PTPN21: variants seen among roughly 807,000 people sequenced by gnomAD.
The protein encoded by PTPN21 is protein tyrosine phosphatase non-receptor type 21.
Under a neutral mutation model 131.8 loss-of-function variants are expected in PTPN21, and 77 were observed. The ratio of observed to expected loss-of-function variants is 0.58; its 90% CI spans 0.49 to 0.71. PTPN21 has a LOEUF of 0.71. Among genes scored for constraint, PTPN21 ranks in the 30% least tolerant of loss-of-function variants. PTPN21 has a pLI of 0.00. For synonymous variants in PTPN21, 715 were observed against 621.3 expected, an observed-to-expected ratio of 1.15 and a Z score of -2.24; for missense variants, 1,552 against 1,527.1, an observed-to-expected ratio of 1.02 and a Z score of -0.27.
chr14:88,506,567 C>T (rs1258827823), intron 4 of PTPN21, among the ~76,000 whole-genome samples: 3 of 152,044 alleles, frequency 2.0e-5, no homozygotes, highest in Admixed American at 6.6e-5. Context: ...CGTGAGACAC[C>T]GCACCCAGCC....
chr14:88,526,984 T>C (rs2078488459), intron 2 of PTPN21, among the ~76,000 whole-genome samples: 1 of 152,192 alleles, frequency 6.6e-6, no homozygotes. Flanking sequence ...ATGCCATTAT[T>C]TCATTCCTGA....
intron 10 of PTPN21, among the ~76,000 whole-genome samples, chr14:88,486,404 A>T (rs1437911165): frequency 6.6e-6 from 1 of 152,136 alleles, no homozygotes; most frequent in Non-Finnish European, 1.5e-5. Flanking sequence ...AGTGACAAGA[A>T]TCTACATTTC....
Position 88,469,845 on chromosome 14 carries a change from A to C in PTPN21, c.3000+77T>G. ...AACCCTACCCTGCCTTTTTCTCCAC[A>C]GGTCAGGATTCCAGATGATTAACAT... On this transcript the variant is annotated intron_variant, in intron 16 of 18. Coordinates refer to ENST00000556564, the MANE Select transcript of PTPN21 (RefSeq NM_007039.4). The surrounding 1 kb of genome is among the most constrained non-coding windows in gnomAD (Gnocchi z 4.3). The C allele has an allele frequency of 6.2e-7, 1 of 1,607,940 alleles. No individual in the cohort carries two copies. Among genetic ancestry groups the C allele is most frequent in the Non-Finnish European group, 8.5e-7 (1 of 1,174,608 alleles).
At chr14:88,505,624 C>A (rs1280416479) in intron 4 of PTPN21, among the ~76,000 whole-genome samples, 1 of 152,132 alleles carries the variant, frequency 6.6e-6, no homozygotes, top group African/African-American at 2.4e-5. Context: ...AATATGATCT[C>A]ATTTTACAGT....
At chr14:88,493,008 ACTCT>A in intron 10 of PTPN21, 1 of 439,824 alleles carries the variant, frequency 2.3e-6, no homozygotes, top group Non-Finnish European at 4.5e-6. Context: ...GGCAGGAACT[ACTCT>A]AACAGGCTAG....
In PTPN21 at chr14:88,466,256, ATTT is replaced by A. The variant is rs577651830; in HGVS notation, c.*1878_*1880del. On this transcript the variant is annotated 3_prime_UTR_variant, in exon 19 of 19. Coordinates refer to ENST00000556564, the MANE Select transcript of PTPN21 (RefSeq NM_007039.4). ...TTACATTTTGTTCCTACAAAATGTA[ATTT>A]TTTAATTTTGTAAAATAAAAATGTA... 310 of 152,216 alleles carry A rather than the reference ATTT, an allele frequency of 2.0e-3. No homozygotes were observed. Among genetic ancestry groups the A allele is most frequent in the African/African-American group, 7.1e-3 (296 of 41,524 alleles). The allele number at this position is 152,216 out of a possible 1,614,324, so 9.4% of individuals were successfully genotyped here. A position where few individuals can be genotyped will look rare whatever the true frequency, so the allele number is the denominator to read the frequency against.
chr14:88,486,099 G>A (rs1263073147), intron 10 of PTPN21, among the ~76,000 whole-genome samples: 4 of 152,246 alleles, frequency 2.6e-5, no homozygotes, highest in Admixed American at 6.5e-5. Context: ...GACCCACAAG[G>A]GGATCAGAGC....
rs949679790 is a variant in PTPN21, at chr14:88,467,975, C to T, written c.*162G>A. ...AGAAACCCCTCTTCAGCCTGTGCTT[C>T]GCACGTTTCCTTCAGCGTGCCGCCA... is the stretch of plus-strand genomic sequence containing the variant. On this transcript the variant is annotated 3_prime_UTR_variant, in exon 19 of 19. Coordinates refer to ENST00000556564, the MANE Select transcript of PTPN21 (RefSeq NM_007039.4). The T allele has an allele frequency of 1.2e-5, 11 of 933,234 alleles. No individual in the cohort carries two copies. The highest frequency in any genetic ancestry group is 1.3e-5 in the Non-Finnish European group (8 of 597,784). 57.8% of individuals were successfully genotyped at this position (933,234 alleles called of 1,614,324 possible).
chr14:88,554,232 ATTC>A (rs2139374612), intron 1 of PTPN21, among the ~76,000 whole-genome samples: 1 of 152,326 alleles, frequency 6.6e-6, no homozygotes, highest in Admixed American at 6.5e-5. Context: ...AGATCCAAGA[ATTC>A]TTGTTTCCAG....
At chr14:88,542,930 T>C (rs1319874219) in intron 2 of PTPN21, among the ~76,000 whole-genome samples, 1 of 152,212 alleles carries the variant, frequency 6.6e-6, no homozygotes, top group Non-Finnish European at 1.5e-5. Flanking sequence ...CGTACATACC[T>C]AAATGAATAA....
At position 88,517,226 on chromosome 14, in the gene PTPN21, T is replaced by C; in HGVS notation, c.216A>G (p.Gln72=). The part of the protein sequence containing the change: ...TYFSLWYYNK[Q]NQRRWVDLEK... The stretch of plus-strand genomic sequence containing the variant: ...CCAAATCTACCCACCGGCGCTGATT[T>C]TGCTTGTTGTAGTACCAGAGGCTGA... The change falls in exon 3 of 19, where the codon CAA becomes CAG. Residue 72 remains glutamine (Q), a synonymous_variant. Transcript: ENST00000556564. 6.2e-7 allele frequency: 1 copy of C among 1,614,118 alleles called. No homozygotes were observed. Among genetic ancestry groups the C allele is most frequent in the Non-Finnish European group, 8.5e-7 (1 of 1,179,982 alleles).
intron 3 of PTPN21, among the ~76,000 whole-genome samples, chr14:88,508,582 C>T (rs1201109990): frequency 2.0e-5 from 3 of 152,152 alleles, no homozygotes; most frequent in Non-Finnish European, 2.9e-5. Context: ...GACAATTAGT[C>T]ATCTGCTTCA....
intron 2 of PTPN21, 35 bp downstream of exon 2, chr14:88,550,203 C>T (rs368657727): frequency 1.3e-6 from 2 of 1,591,102 alleles, no homozygotes; most frequent in South Asian, 2.3e-5. Flanking sequence ...CTTGAGCCAC[C>T]CGCGCCTGGC....
chr14:88,511,823 TATCTAA>T (rs1430809306), intron 3 of PTPN21, among the ~76,000 whole-genome samples: 15 of 152,206 alleles, frequency 9.9e-5, no homozygotes, highest in African/African-American at 2.4e-5. Context: ...TTAAATATTT[TATCTAA>T]ATCTTTATGA....
chr14:88,486,585 GGGAAA>G (rs2077736240), intron 10 of PTPN21, among the ~76,000 whole-genome samples: 1 of 152,060 alleles, frequency 6.6e-6, no homozygotes, highest in African/African-American at 2.4e-5. Context: ...AAGGAACCAA[GGGAAA>G]GCAAAGCACA....
chr14:88,517,178 C>T lies in PTPN21; in HGVS notation c.264G>A (p.Leu88=). ...CGGTAGGTTCCAATGCATATTTATC[C>T]AGCTGCTTCTTCAAAGGTTTTTCCA... ...VDLEKPLKKQ[L]DKYALEPTVY... Residue 88 remains leucine (L), a synonymous_variant, in exon 3 of 19, where the codon CTG becomes CTA. Coordinates refer to ENST00000556564, the MANE Select transcript of PTPN21 (RefSeq NM_007039.4). 6.2e-7 allele frequency: 1 copy of T among 1,614,084 alleles called. No individual in the cohort carries two copies. Among genetic ancestry groups the T allele is most frequent in the Non-Finnish European group, 8.5e-7 (1 of 1,179,996 alleles).
Position 88,479,095 on chromosome 14 carries a change from G to T in PTPN21, c.2336C>A (p.Thr779Lys). ...CCAGGGCCGCTGGGCCTCTGCGGTC[G>T]TGCGGACGGGGCTGCTGTCCATCAT... ...KRMMDSSPVR[T>K]TAEAQRPWRD... The change falls in exon 13 of 19, where the codon ACG (threonine) becomes AAG (lysine). Residue 779 changes from threonine (T) to lysine (K), a missense_variant. By Grantham distance (78) the Thr-to-Lys change is moderately conservative. This residue lies in a region of PTPN21 where 1,016 missense variants were observed against 883.5 expected (regional missense o/e 1.15). Coordinates refer to ENST00000556564, the MANE Select transcript of PTPN21 (RefSeq NM_007039.4). 1 of 1,580,162 alleles carries T rather than the reference G, an allele frequency of 6.3e-7. No homozygotes were observed.
At chr14:88,472,728 G>C (rs1191304932) in intron 14 of PTPN21, among the ~76,000 whole-genome samples, 1 of 152,104 alleles carries the variant, frequency 6.6e-6, no homozygotes, top group East Asian at 1.9e-4. Context: ...AAACGAGCCA[G>C]GTGTGGTGGT....
At chr14:88,502,864 G>A (rs1177275328) in intron 6 of PTPN21, among the ~76,000 whole-genome samples, 1 of 152,098 alleles carries the variant, frequency 6.6e-6, no homozygotes, top group Non-Finnish European at 1.5e-5. Context: ...GAAGGAGAAG[G>A]AGAGAGGTAA....
Sources: gnomAD v4.1 joint callset for allele counts (sites outside exome capture counted in the v4.1 genomes callset) on GRCh38, gnomAD v4.1.1 for gene constraint, gnomAD v4.1.1 regional missense constraint, Gnocchi (gnomAD v3.1) non-coding constraint, MANE v1.5 for transcripts, NCBI Gene and HGNC (gene_info 2026-07-23, HGNC 2026-07-21) for gene names.